Variants in GASK1B observed in about 807,000 individuals in gnomAD.
GASK1B encodes golgi associated kinase 1B.
In GASK1B, 34 loss-of-function variants were observed where a neutral mutation model predicts 42.8. That is an observed-to-expected ratio of 0.79 (90% CI 0.60 to 1.06). The LOEUF is 1.06. GASK1B is among the 50% of genes least tolerant of loss of function. The pLI, the probability that GASK1B is intolerant of heterozygous loss-of-function variation, is 0.00. For missense variants in GASK1B, 686 were observed against 661.0 expected (o/e 1.04, Z -0.42); for synonymous variants, 262 against 259.1 (o/e 1.01, Z -0.11).
intron 4 of GASK1B, among the ~76,000 whole-genome samples, chr4:158,128,031 C>T (rs975444955): frequency 1.3e-5 from 2 of 152,024 alleles, no homozygotes; most frequent in Non-Finnish European, 2.9e-5. Context: ...ATATGAGAGA[C>T]AAATTGATAA....
intron 3 of GASK1B, among the ~76,000 whole-genome samples, chr4:158,141,601 T>TAC (rs1731121745): frequency 1.8e-5 from 2 of 110,374 alleles, no homozygotes; most frequent in Non-Finnish European, 1.9e-5. Flanking sequence ...ATTTACCTTT[T>TAC]TTTTTTTTTT....
At chr4:158,145,978 G>A (rs937371377) in intron 3 of GASK1B, among the ~76,000 whole-genome samples, 1 of 152,128 alleles carries the variant, frequency 6.6e-6, no homozygotes, top group Non-Finnish European at 1.5e-5. Flanking sequence ...ATCAAACACT[G>A]AAAATATTAA....
At chr4:158,141,291 G>T (rs370118065) in intron 3 of GASK1B, among the ~76,000 whole-genome samples, 1 of 151,998 alleles carries the variant, frequency 6.6e-6, no homozygotes. Context: ...ACCAGCACAT[G>T]TTATAATGAC....
At chr4:158,149,980 A>T (rs1226440475) in intron 3 of GASK1B, among the ~76,000 whole-genome samples, 1 of 118,506 alleles carries the variant, frequency 8.4e-6, no homozygotes, top group Admixed American at 1.2e-4. Flanking sequence ...TTTGGAGTGC[A>T]GTGGCGCGAT....
chr4:158,127,386 C>T lies in GASK1B; in HGVS notation c.*21G>A, dbSNP rs554024335. 1.9e-6 allele frequency: 3 copies of T among 1,603,286 alleles called. No individual in the cohort carries two copies. Among genetic ancestry groups the T allele is most frequent in the African/African-American group, 1.3e-5 (1 of 74,602 alleles). ...AAAAATGCATAAATATATCTAACAC[C>T]CTAGCCAGAAGATTCTTTTGTCATT... On this transcript the variant is annotated 3_prime_UTR_variant, in exon 5 of 5. Transcript: ENST00000585682.
intron 2 of GASK1B, among the ~76,000 whole-genome samples, chr4:158,156,190 A>C (rs75271580): frequency 5.4e-4 from 83 of 152,302 alleles, no homozygotes; most frequent in African/African-American, 1.9e-3. Flanking sequence ...GACATTTATA[A>C]TTGTCTATTC....
chr4:158,154,737 T>C (rs961223518), intron 3 of GASK1B, among the ~76,000 whole-genome samples: 2 of 152,226 alleles, frequency 1.3e-5, no homozygotes, highest in Non-Finnish European at 2.9e-5. Flanking sequence ...ACCATTATTC[T>C]AAGTGAAGTA....
chr4:158,134,160 A>C (rs1473543825), intron 3 of GASK1B, among the ~76,000 whole-genome samples: 1 of 152,004 alleles, frequency 6.6e-6, no homozygotes, highest in Admixed American at 6.6e-5. Flanking sequence ...ACTTGACCAC[A>C]AAAACATAAT....
chr4:158,155,320 G>C (rs1284772984), intron 3 of GASK1B, among the ~76,000 whole-genome samples: 1 of 152,172 alleles, frequency 6.6e-6, no homozygotes, highest in Non-Finnish European at 1.5e-5. Context: ...ATTCTGTAGA[G>C]AATCCCCTTC....
intron 3 of GASK1B, among the ~76,000 whole-genome samples, chr4:158,131,415 G>A (rs1730678135): frequency 6.6e-6 from 1 of 152,190 alleles, no homozygotes; most frequent in South Asian, 2.1e-4. Flanking sequence ...ATGGGAAATT[G>A]GAGTTACTTC....
At position 158,127,183 on chromosome 4, in the gene GASK1B, G is replaced by A; in HGVS notation, c.*224C>T. On this transcript the variant is annotated 3_prime_UTR_variant, in exon 5 of 5. Transcript: ENST00000585682. ...GACTGACACATAGCATGATGTTAGA[G>A]AAAAATATAAACAAATATTTCTCAA... The A allele has an allele frequency of 2.6e-6, 1 of 380,796 alleles. No individual in the cohort carries two copies. The highest frequency in any genetic ancestry group is 4.4e-5 in the East Asian group (1 of 22,754). 23.6% of individuals were successfully genotyped at this position (380,796 alleles called of 1,614,324 possible). A position where few individuals can be genotyped will look rare whatever the true frequency, so the allele number is the denominator to read the frequency against.
chr4:158,135,320 C>CAAAAA (rs1219141206), intron 3 of GASK1B, among the ~76,000 whole-genome samples: 3 of 56,204 alleles, frequency 5.3e-5, no homozygotes, highest in Middle Eastern at 0.01. Context: ...GACTCCGTCT[C>CAAAAA]AAAAAAAAAA....
rs369817341 is a variant in GASK1B at position 158,155,710 on chromosome 4, T to C, written c.1026A>G (p.Lys342=). 3 of 1,613,836 alleles carry C rather than the reference T, an allele frequency of 1.9e-6. No homozygotes were observed. Among genetic ancestry groups the C allele is most frequent in the South Asian group, 2.2e-5 (2 of 91,086 alleles). Residue 342 remains lysine, a synonymous_variant, in exon 3 of 5, where the codon AAA becomes AAG. Transcript: ENST00000585682. ...WGTYQQLLKQ[K]CWQNGRVPKP... ...TGGGTACTCGGCCATTCTGCCAGCA[T>C]TTCTGTTTCAGCAACTGCTGATAAG...
chr4:158,133,204 CT>C (rs1363144316), intron 3 of GASK1B, among the ~76,000 whole-genome samples: 1 of 152,082 alleles, frequency 6.6e-6, no homozygotes, highest in Non-Finnish European at 1.5e-5. Context: ...TCAATCACCC[CT>C]TTTTTTAAAT....
At chr4:158,147,927 T>A (rs1191356148) in intron 3 of GASK1B, among the ~76,000 whole-genome samples, 1 of 152,182 alleles carries the variant, frequency 6.6e-6, no homozygotes, top group African/African-American at 2.4e-5. Context: ...CAATAAATAT[T>A]TGAAAATAGA....
rs1263055646 is a variant in GASK1B, at chr4:158,154,645, G to GTA, written c.1125+964_1125+965dup. ...CAATCAAGTAGATAAAGAAAATGTG[G>GTA]TATATATATACCATAGAATACTACT... is the stretch of plus-strand genomic sequence containing the variant. On this transcript the variant is annotated intron_variant, in intron 3 of 4. Coordinates refer to ENST00000585682, the MANE Select transcript of GASK1B (RefSeq NM_001128424.2). Among the ~76,000 whole-genome samples, 8 of 152,186 alleles carry GTA rather than the reference G, an allele frequency of 5.3e-5. No homozygotes were observed. The East Asian group carries it at 1.3e-3, about 26-fold the overall frequency.
intron 3 of GASK1B, among the ~76,000 whole-genome samples, chr4:158,140,482 C>G (rs1195160890): frequency 6.6e-6 from 1 of 152,154 alleles, no homozygotes; most frequent in African/African-American, 2.4e-5. Context: ...CATACAAAAA[C>G]CATATACATT....
chr4:158,151,680 A>G (rs1481324140), intron 3 of GASK1B, among the ~76,000 whole-genome samples: 1 of 1,490 alleles, frequency 6.7e-4, no homozygotes, highest in Non-Finnish European at 8.9e-3. Context: ...TTTACACGCA[A>G]AACTACAAAA....
At chr4:158,169,457 G>T (rs1368126423) in intron 2 of GASK1B, 1 of 152,172 alleles carries the variant, frequency 6.6e-6, no homozygotes, top group Non-Finnish European at 1.5e-5. Flanking sequence ...ATGCAGTTGG[G>T]TCTCAGCCAC....
Sources: gnomAD v4.1 joint callset for allele counts (sites outside exome capture counted in the v4.1 genomes callset) on GRCh38, gnomAD v4.1.1 for gene constraint, MANE v1.5 for transcripts, NCBI Gene and HGNC (gene_info 2026-07-23, HGNC 2026-07-21) for gene names.